GATA4: variants seen among roughly 807,000 people sequenced by gnomAD.
GATA4 encodes the protein transcription factor GATA-4.
Under a neutral mutation model 37.9 loss-of-function variants are expected in GATA4, and 7 were observed. The observed-to-expected ratio is 0.18, with a 90% CI of 0.11 to 0.35. The LOEUF (loss-of-function observed/expected upper bound fraction) is 0.35. Among genes scored for constraint, GATA4 ranks in the 10% least tolerant of loss-of-function variants. The pLI, the probability that GATA4 is intolerant of heterozygous loss-of-function variation, is 1.00. For missense variants in GATA4, 647 were observed against 653.0 expected (o/e 0.99, Z 0.10); for synonymous variants, 372 against 292.6 (o/e 1.27, Z -2.77).
intron 4 of GATA4, 105 bp downstream of exon 4, chr8:11,750,341 C>A: frequency 6.7e-7 from 1 of 1,493,030 alleles, no homozygotes; most frequent in Non-Finnish European, 9.2e-7. Context: ...TCCTTCTTAA[C>A]AAAGAGACTT....
upstream of GATA4, among the ~76,000 whole-genome samples, chr8:11,690,435 T>G (rs1799273457): frequency 6.6e-6 from 1 of 152,082 alleles, no homozygotes; most frequent in South Asian, 2.1e-4. Context: ...GACTAAAATT[T>G]TGGAGAGAGA....
chr8:11,737,591 A>C (rs1045390000), intron 2 of GATA4, among the ~76,000 whole-genome samples: 2 of 152,246 alleles, frequency 1.3e-5, no homozygotes, highest in Non-Finnish European at 2.9e-5. Context: ...AAGCCAGGCC[A>C]GGGTTCCCTG....
Position 11,708,894 on chromosome 8 carries a change from C to A in GATA4, c.582C>A (p.Gly194=). ...FDSPVLHSLP[G]RANPAARHPN... Reference sequence around the variant, plus strand: ...GCCCGGTCCTGCACAGCCTGCCCGGCCGGGCCAACCCGGCCGCCCGACACC... The same window carrying A: ...GCCCGGTCCTGCACAGCCTGCCCGGACGGGCCAACCCGGCCGCCCGACACC... Residue 194 remains glycine, a synonymous_variant, in exon 2 of 7, where the codon GGC becomes GGA. Coordinates refer to ENST00000532059, the MANE Select transcript of GATA4 (RefSeq NM_001308093.3). This position sits in a 1 kb window ranked among gnomAD's most constrained non-coding sequence, Gnocchi z 6.7. 1 of 1,528,180 alleles carries A rather than the reference C, an allele frequency of 6.5e-7. No individual in the cohort carries two copies. The highest frequency in any genetic ancestry group is 1.2e-5 in the South Asian group (1 of 83,622). 94.7% of individuals were successfully genotyped at this position (1,528,180 alleles called of 1,614,324 possible).
In GATA4 at chr8:11,750,772, A is replaced by G. The variant is rs1464149806; in HGVS notation, c.912+536A>G. 1.3e-3 allele frequency among the ~76,000 whole-genome samples: 56 copies of G among 42,622 alleles called. No individual in the cohort carries two copies. The South Asian group carries it at 0.067, about 51-fold the overall frequency. 28.0% of individuals were successfully genotyped at this position (42,622 alleles called of 152,430 possible). ...ACATGGTGAAACTTTGTCTCTACTA[A>G]AAAAAAAAAAAAAAAAAAAAAAAAT... On this transcript the variant is annotated intron_variant, in intron 4 of 6. Coordinates refer to ENST00000532059, the MANE Select transcript of GATA4 (RefSeq NM_001308093.3).
At chr8:11,724,239 C>A (rs888747789) in intron 2 of GATA4, among the ~76,000 whole-genome samples, 8 of 152,138 alleles carry the variant, frequency 5.3e-5, no homozygotes, top group African/African-American at 1.9e-4. Context: ...GTTGCGTCTG[C>A]CCATTGACCA....
intron 2 of GATA4, among the ~76,000 whole-genome samples, chr8:11,747,304 C>T (rs775060121): frequency 1.3e-5 from 2 of 152,056 alleles, no homozygotes; most frequent in African/African-American, 2.4e-5. Context: ...GCCTGTCTCA[C>T]GAGGGTGAGG....
chr8:11,742,330 C>T (rs1801780677), intron 2 of GATA4, among the ~76,000 whole-genome samples: 2 of 151,924 alleles, frequency 1.3e-5, no homozygotes, highest in Admixed American at 1.3e-4. Flanking sequence ...TCAACCTCTT[C>T]CTCCTCTATC....
chr8:11,757,059 C>T lies in GATA4; in HGVS notation c.1125C>T (p.Tyr375=), dbSNP rs56330552. The change falls in exon 6 of 7, where the codon TAC becomes TAT. Residue 375 remains tyrosine, a synonymous_variant. Transcript: ENST00000532059. ...CGGAGCCTGGCCTGTCATCTCACTA[C>T]GGGCACAGCAGCTCCGTGTCCCAGG... The part of the protein sequence containing the change: ...IKTEPGLSSH[Y]GHSSSVSQTF... The T allele has an allele frequency of 9.5e-5, 154 of 1,614,172 alleles. 1 individual carries two copies. The highest frequency in any genetic ancestry group is 6.6e-4 in the Middle Eastern group (4 of 6,060).
rs371301441 is a variant in GATA4, at chr8:11,708,304, G to A, written c.-9G>A. 6.3e-7 allele frequency: 1 copy of A among 1,580,584 alleles called. No individual in the cohort carries two copies. Among genetic ancestry groups the A allele is most frequent in the Non-Finnish European group, 8.5e-7 (1 of 1,170,936 alleles). The stretch of plus-strand genomic sequence containing the variant: ...GAGAGGACACCGAAGCCGGGAGCTC[G>A]CAGGGACCATGTATCAGAGCTTGGC... On this transcript the variant is annotated 5_prime_UTR_variant, in exon 2 of 7. Coordinates refer to ENST00000532059, the MANE Select transcript of GATA4 (RefSeq NM_001308093.3). This position sits in a 1 kb window ranked among gnomAD's most constrained non-coding sequence, Gnocchi z 6.7.
Position 11,709,169 on chromosome 8 carries a change from A to T in GATA4, c.616+241A>T, listed in dbSNP as rs992972236. ...CCGGGGCCTCTTCTGAGATGGTGTC[A>T]GGGTCGGAGTGCGGCCTCCCCGCCA... On this transcript the variant is annotated intron_variant, in intron 2 of 6. Transcript: ENST00000532059. This position sits in a 1 kb window ranked among gnomAD's most constrained non-coding sequence, Gnocchi z 4.3. 1.3e-5 allele frequency among the ~76,000 whole-genome samples: 2 copies of T among 152,136 alleles called. No homozygotes were observed. Among genetic ancestry groups the T allele is most frequent in the Admixed American group, 1.3e-4 (2 of 15,290 alleles).
chr8:11,684,099 G>A (rs1295442776), intron 1 of GATA4, among the ~76,000 whole-genome samples: 3 of 152,194 alleles, frequency 2.0e-5, no homozygotes, highest in Non-Finnish European at 4.4e-5. Flanking sequence ...CTGTGCCATG[G>A]CTCCCTTCAG....
upstream of GATA4, among the ~76,000 whole-genome samples, chr8:11,702,265 C>A (rs910869789): frequency 1.3e-5 from 2 of 152,210 alleles, no homozygotes; most frequent in African/African-American, 4.8e-5. The surrounding 1 kb of genome is among the most constrained non-coding windows in gnomAD (Gnocchi z 4.4). Flanking sequence ...AATTCACTGC[C>A]CGGTCCAGAC....
intron 1 of GATA4, chr8:11,697,458 A>C (rs964736723): frequency 1.5e-6 from 1 of 688,442 alleles, no homozygotes; most frequent in East Asian, 1.4e-4. Flanking sequence ...GGAACCTCCC[A>C]GCTGGGGAAG....
chr8:11,681,000 G>A (rs1798951027), intron 1 of GATA4: 3 of 948,324 alleles, frequency 3.2e-6, no homozygotes, highest in Non-Finnish European at 3.8e-6. Context: ...GAGAGACCCC[G>A]CACCCCCGAA....
rs140347581 is a variant in GATA4, at chr8:11,743,620, C to T, written c.617-5296C>T. 1.2e-3 allele frequency among the ~76,000 whole-genome samples: 182 copies of T among 152,372 alleles called. 1 individual carries two copies. Among genetic ancestry groups the T allele is most frequent in the Non-Finnish European group, 2.0e-3 (134 of 68,042 alleles). ...TCCCTTTCTTCCTCCCGTGCCTTCC[C>T]TCTCCCCGCCCTGACTGGCCTCCCC... On this transcript the variant is annotated intron_variant, in intron 2 of 6. Coordinates refer to ENST00000532059, the MANE Select transcript of GATA4 (RefSeq NM_001308093.3).
In GATA4 at chr8:11,708,572, C is replaced by G; in HGVS notation, c.260C>G (p.Pro87Arg). 7.3e-7 allele frequency: 1 copy of G among 1,369,908 alleles called. No individual in the cohort carries two copies. Among genetic ancestry groups the G allele is most frequent in the Non-Finnish European group, 9.4e-7 (1 of 1,067,554 alleles). 84.9% of individuals were successfully genotyped at this position (1,369,908 alleles called of 1,614,324 possible). A position where few individuals can be genotyped will look rare whatever the true frequency, so the allele number is the denominator to read the frequency against. The part of the protein sequence containing the change: ...GAGPGTQQGS[P>R]GWSQAGADGA... ...GGGCCCGGGACCCAGCAGGGCAGCC[C>G]GGGATGGAGCCAGGCGGGAGCCGAC... The change falls in exon 2 of 7, where the codon CCG becomes CGG. Residue 87 changes from proline to arginine, a missense_variant. Around this residue, in one of 5 missense-constraint regions of GATA4, gnomAD observed 379 missense variants for 334.5 expected, o/e 1.13. Transcript: ENST00000532059. The surrounding 1 kb of genome is among the most constrained non-coding windows in gnomAD (Gnocchi z 6.7).
At chr8:11,680,253 C>T (rs77651912) in intron 1 of GATA4, among the ~76,000 whole-genome samples, 28,509 of 152,262 alleles carry the variant, frequency 0.19, 2,827 homozygotes, top group South Asian at 0.36. Flanking sequence ...AGTGGGCAGG[C>T]GGGAGACCAG....
In GATA4 at chr8:11,707,684, G is replaced by A. The variant is rs756612295; in HGVS notation, c.-457-172G>A. Among the ~76,000 whole-genome samples, 17 of 152,150 alleles carry A rather than the reference G, an allele frequency of 1.1e-4. No homozygotes were observed. The highest frequency in any genetic ancestry group is 1.9e-4 in the Non-Finnish European group (13 of 68,018). On this transcript the variant is annotated intron_variant, in intron 1 of 6. Transcript: ENST00000532059. This position sits in a 1 kb window ranked among gnomAD's most constrained non-coding sequence, Gnocchi z 4.7. ...GCCTGGGCCGCCTGACCCAACGCCT[G>A]GACAAAACAAAGGCCCCTGCTTCCC... is the stretch of plus-strand genomic sequence containing the variant.
chr8:11,702,424 C>T (rs528350534), upstream of GATA4, among the ~76,000 whole-genome samples: 1 of 151,966 alleles, frequency 6.6e-6, no homozygotes, highest in African/African-American at 2.4e-5. This position sits in a 1 kb window ranked among gnomAD's most constrained non-coding sequence, Gnocchi z 4.4. Context: ...CCAGGAAGGC[C>T]TTGCAGGTCC....
Sources: allele counts gnomAD v4.1 joint callset (sites outside exome capture counted in the v4.1 genomes callset), GRCh38; gene constraint gnomAD v4.1.1; regional missense constraint gnomAD v4.1.1; non-coding constraint Gnocchi (gnomAD v3.1); transcripts MANE v1.5; gene names NCBI Gene and HGNC (gene_info 2026-07-23, HGNC 2026-07-21).